Variants in GPR89B observed in about 807,000 individuals in gnomAD.
GPR89B encodes G protein-coupled receptor 89B.
In GPR89B, 25 loss-of-function variants were observed where a neutral mutation model predicts 52.4. That is an observed-to-expected ratio of 0.48 (90% CI 0.35 to 0.67). The LOEUF is 0.67. GPR89B is among the 30% of genes least tolerant of loss of function. The pLI is 0.01. For missense variants in GPR89B, 146 were observed against 450.2 expected, an observed-to-expected ratio of 0.32 and a Z score of 6.11; for synonymous variants, 52 against 151.2, an observed-to-expected ratio of 0.34 and a Z score of 4.81.
the GPR89B span, among the ~76,000 whole-genome samples, chr1:148,025,523 C>CAAAA: frequency 1.1e-3 from 33 of 29,674 alleles, 1 homozygote; most frequent in African/African-American, 2.5e-3. Flanking sequence ...AACTCTGTCT[C>CAAAA]AAAAAAAAAA....
chr1:147,962,057 T>A (rs1262255172), intron 7 of GPR89B, among the ~76,000 whole-genome samples: 1 of 151,872 alleles, frequency 6.6e-6, no homozygotes, highest in Non-Finnish European at 1.5e-5. Flanking sequence ...TTTAAACATA[T>A]TATATAGCTG....
At chr1:147,964,552 T>C (rs1656893304) in intron 7 of GPR89B, among the ~76,000 whole-genome samples, 1 of 151,862 alleles carries the variant, frequency 6.6e-6, no homozygotes, top group East Asian at 1.9e-4. Flanking sequence ...GGTTTTTTCA[T>C]TCCTATTCAC....
At chr1:148,021,298 C>G in the GPR89B span, among the ~76,000 whole-genome samples, 3 of 151,504 alleles carry the variant, frequency 2.0e-5, no homozygotes, top group African/African-American at 7.3e-5. Flanking sequence ...GTCAGGAGAT[C>G]GAGACCATCC....
At chr1:147,994,194 T>C (rs1659256191), downstream of GPR89B, 1 of 1,557,398 alleles carries the variant, frequency 6.4e-7, no homozygotes, top group Non-Finnish European at 8.7e-7. Context: ...GAGTTTTTCT[T>C]CTAAAGAGAC....
chr1:147,999,625 C>T, the GPR89B span, among the ~76,000 whole-genome samples: 1 of 150,122 alleles, frequency 6.7e-6, no homozygotes. Context: ...TGTGCTCCTT[C>T]TTACATGTAA....
downstream of GPR89B, among the ~76,000 whole-genome samples, chr1:147,997,363 G>A (rs1458873085): frequency 1.3e-5 from 2 of 152,288 alleles, no homozygotes; most frequent in East Asian, 3.9e-4. Context: ...TACAGAAAAG[G>A]CAAAGGTGTC....
chr1:148,007,338 G>A, the GPR89B span, among the ~76,000 whole-genome samples: 2 of 152,168 alleles, frequency 1.3e-5, no homozygotes, highest in African/African-American at 2.4e-5. Context: ...GCCTCCCAAA[G>A]TGCTGGGATT....
At chr1:147,991,355 C>T (rs1403603620) in intron 12 of GPR89B, among the ~76,000 whole-genome samples, 1 of 152,048 alleles carries the variant, frequency 6.6e-6, no homozygotes, top group Non-Finnish European at 1.5e-5. Context: ...TGGGCTGAGA[C>T]GATGGGGTTT....
At chr1:147,946,464 G>A (rs1457095586) in intron 5 of GPR89B, among the ~76,000 whole-genome samples, 3 of 152,158 alleles carry the variant, frequency 2.0e-5, no homozygotes, top group African/African-American at 4.8e-5. Context: ...CTATGTCAAT[G>A]GTCAACGAAG....
At chr1:147,958,180 C>A (rs1656267519) in intron 7 of GPR89B, among the ~76,000 whole-genome samples, 1 of 151,986 alleles carries the variant, frequency 6.6e-6, no homozygotes, top group Non-Finnish European at 1.5e-5. Flanking sequence ...TGAAGGTAGA[C>A]ACGTGTATAA....
At chr1:147,975,002 T>G (rs1657733035) in intron 10 of GPR89B, among the ~76,000 whole-genome samples, 1 of 152,010 alleles carries the variant, frequency 6.6e-6, no homozygotes, top group Admixed American at 6.5e-5. Flanking sequence ...GAACCAGTGT[T>G]GCATACCGGG....
rs1553249261 is a variant in GPR89B, at chr1:147,943,528, G to A, written c.297G>A (p.Val99=). ...CTTTTTACATTGGCTATTTTATTGT[G>A]AGCAATATCCGACTACGTAAGTATT... The part of the protein sequence containing the change: ...MVPFYIGYFI[V]SNIRLLHKQR... Residue 99 remains valine (V), a synonymous_variant, in exon 4 of 14, where the codon GTG becomes GTA. Coordinates refer to ENST00000314163, the MANE Select transcript of GPR89B (RefSeq NM_016334.5). The A allele has an allele frequency of 6.2e-7, 1 of 1,613,124 alleles. No homozygotes were observed. The highest frequency in any genetic ancestry group is 8.5e-7 in the Non-Finnish European group (1 of 1,179,454).
At position 147,981,827 on chromosome 1, in the gene GPR89B, A is replaced by G. The variant is rs1212554707; in HGVS notation, c.910-4372A>G. Among the ~76,000 whole-genome samples, 614 of 151,006 alleles carry G rather than the reference A, an allele frequency of 4.1e-3. 9 individuals are homozygous for G. Among genetic ancestry groups the G allele is most frequent in the African/African-American group, 0.014 (578 of 40,870 alleles). On this transcript the variant is annotated intron_variant, in intron 10 of 13. Coordinates refer to ENST00000314163, the MANE Select transcript of GPR89B (RefSeq NM_016334.5). ...ACCACCATGCCTGGCTGATTTTTCT[A>G]TTTTTAGTAGAGACGAGGTTTGACC...
intron 10 of GPR89B, among the ~76,000 whole-genome samples, chr1:147,983,068 C>A (rs1658392665): frequency 6.6e-6 from 1 of 152,222 alleles, no homozygotes; most frequent in Admixed American, 6.5e-5. Flanking sequence ...GAAAAACAAG[C>A]AATGGGGAAA....
At chr1:147,962,329 CAG>C (rs1214311624) in intron 7 of GPR89B, among the ~76,000 whole-genome samples, 1 of 149,766 alleles carries the variant, frequency 6.7e-6, no homozygotes, top group African/African-American at 2.5e-5. Context: ...GAGGTTGAGA[CAG>C]AAGAATTGCT....
At chr1:147,956,718 A>T (rs1189302028) in intron 7 of GPR89B, among the ~76,000 whole-genome samples, 1 of 151,824 alleles carries the variant, frequency 6.6e-6, no homozygotes, top group Non-Finnish European at 1.5e-5. Flanking sequence ...TTGTATTCAA[A>T]GAATGGAATA....
chr1:147,940,140 A>T (rs587631424), intron 3 of GPR89B, among the ~76,000 whole-genome samples: 3 of 151,988 alleles, frequency 2.0e-5, no homozygotes, highest in African/African-American at 7.2e-5. Flanking sequence ...GCGGTGGCTC[A>T]CGCCTGTAAT....
intron 1 of GPR89B, among the ~76,000 whole-genome samples, chr1:147,931,821 G>C (rs1653648844): frequency 6.6e-6 from 1 of 151,516 alleles, no homozygotes; most frequent in African/African-American, 2.4e-5. Context: ...CCACTTAGAA[G>C]TGAGAACATG....
intron 1 of GPR89B, among the ~76,000 whole-genome samples, chr1:147,929,435 C>A (rs1553246695): frequency 6.6e-6 from 1 of 152,162 alleles, no homozygotes; most frequent in East Asian, 1.9e-4. Flanking sequence ...TTGTTCATAG[C>A]TGTATCCCCA....
Sources: allele counts gnomAD v4.1 joint callset (sites outside exome capture counted in the v4.1 genomes callset), GRCh38; gene constraint gnomAD v4.1.1; transcripts MANE v1.5; gene names NCBI Gene and HGNC (gene_info 2026-07-23, HGNC 2026-07-21).